Variants in BRWD1 observed in about 807,000 individuals in gnomAD.
BRWD1 encodes bromodomain and WD repeat domain containing 1, also known as bromodomain and WD repeat-containing protein 1.
In BRWD1, 82 loss-of-function variants were observed where a neutral mutation model predicts 251.2. The observed-to-expected ratio is 0.33, with a 90% CI of 0.27 to 0.39. BRWD1 has a LOEUF of 0.39. Among genes scored for constraint, BRWD1 ranks in the 10% least tolerant of loss-of-function variants. BRWD1 has a pLI of 1.00. For missense variants in BRWD1, 2,233 were observed against 2,711.6 expected, an observed-to-expected ratio of 0.82 and a Z score of 3.92; for synonymous variants, 918 against 902.8, an observed-to-expected ratio of 1.02 and a Z score of -0.30.
At position 39,196,436 on chromosome 21, in the gene BRWD1, A is replaced by G. The variant is rs1395169357; in HGVS notation, c.6633T>C (p.Pro2211=). 4.3e-6 allele frequency: 7 copies of G among 1,613,578 alleles called. No individual in the cohort carries two copies. In the South Asian group the frequency reaches 6.6e-5, roughly 15 times the overall value. ...TVRRQRQSKR[P]RLSVDDNDWE... is the part of the protein sequence containing the mutation. ...AGTCATTATCATCCACACTTAACCT[A>G]GGGCGTTTGCTTTGTCTTTGACGTC... The change falls in exon 41 of 41, where the codon CCT becomes CCC. Residue 2211 remains proline (P), a synonymous_variant. Transcript: ENST00000342449.
At chr21:39,269,683 C>T (rs1332280070) in intron 15 of BRWD1, among the ~76,000 whole-genome samples, 1 of 152,144 alleles carries the variant, frequency 6.6e-6, no homozygotes, top group Non-Finnish European at 1.5e-5. Flanking sequence ...CAACAGGTAA[C>T]TTAAAAATGT....
At position 39,190,815 on chromosome 21, in the gene BRWD1, A is replaced by G; in HGVS notation, c.*5444T>C. On this transcript the variant is annotated 3_prime_UTR_variant, in exon 41 of 41. Transcript: ENST00000342449. ...ACTGCAGTATGGCAGCATCAGGTCA[A>G]AAGACCATCAGAAATAATTCCATGA... 1.0e-6 allele frequency: 1 copy of G among 985,368 alleles called. No individual in the cohort carries two copies. Among genetic ancestry groups the G allele is most frequent in the Non-Finnish European group, 1.2e-6 (1 of 829,894 alleles). The allele number at this position is 985,368 out of a possible 1,614,324, so 61.0% of individuals were successfully genotyped here. A position where few individuals can be genotyped will look rare whatever the true frequency, so the allele number is the denominator to read the frequency against.
rs866294939 is a variant in BRWD1, at chr21:39,191,284, C to T, written c.*4975G>A. The stretch of plus-strand genomic sequence containing the variant: ...GCTCATATGTAAAACTCACAGCGCT[C>T]GCACCCCTATATTCTGCCTGCATGA... On this transcript the variant is annotated 3_prime_UTR_variant, in exon 41 of 41. Coordinates refer to ENST00000342449, the MANE Select transcript of BRWD1 (RefSeq NM_033656.4). The T allele has an allele frequency of 2.1e-5, 21 of 985,110 alleles. No homozygotes were observed. The highest frequency in any genetic ancestry group is 2.2e-5 in the Non-Finnish European group (18 of 829,896). 61.0% of individuals were successfully genotyped at this position (985,110 alleles called of 1,614,324 possible).
chr21:39,298,208 A>G (rs1344564241), intron 5 of BRWD1: 2 of 1,182,418 alleles, frequency 1.7e-6, no homozygotes, highest in Non-Finnish European at 2.1e-6. Flanking sequence ...CAAGCTTTTT[A>G]GCTTAACATC....
chr21:39,261,124 C>G (rs944488820), intron 17 of BRWD1, among the ~76,000 whole-genome samples: 1 of 152,072 alleles, frequency 6.6e-6, no homozygotes, highest in African/African-American at 2.4e-5. Context: ...ACGTGGGAAG[C>G]TGAGGCAGGG....
chr21:39,281,927 C>T (rs1039482350), intron 8 of BRWD1, among the ~76,000 whole-genome samples: 2 of 150,460 alleles, frequency 1.3e-5, no homozygotes, highest in African/African-American at 2.4e-5. Context: ...TATACGTATA[C>T]ATACATATAC....
At chr21:39,246,689 A>G (rs1185543897) in intron 21 of BRWD1, among the ~76,000 whole-genome samples, 2 of 152,264 alleles carry the variant, frequency 1.3e-5, no homozygotes, top group African/African-American at 4.8e-5. Flanking sequence ...AAGTAAAAAA[A>G]GAATGAAGTA....
intron 19 of BRWD1, among the ~76,000 whole-genome samples, chr21:39,251,707 C>T (rs1242565861): frequency 3.3e-5 from 5 of 152,152 alleles, no homozygotes; most frequent in Admixed American, 3.3e-4. Context: ...GCAGACTCAA[C>T]CTTTCACAGG....
chr21:39,314,128 G>C (rs778167356), upstream of BRWD1: 2 of 455,844 alleles, frequency 4.4e-6, no homozygotes, highest in Non-Finnish European at 8.8e-6. Flanking sequence ...TGCCCCGCAC[G>C]GAAGACCCCT....
intron 29 of BRWD1, chr21:39,219,388 C>G (rs1293636535): frequency 6.6e-6 from 1 of 152,142 alleles, no homozygotes; most frequent in African/African-American, 2.4e-5. Context: ...CCATTGCACT[C>G]CAGCCTGGGC....
intron 19 of BRWD1, among the ~76,000 whole-genome samples, chr21:39,252,785 C>T (rs563506791): frequency 2.0e-5 from 3 of 147,282 alleles, no homozygotes; most frequent in African/African-American, 7.6e-5. Flanking sequence ...TCCTCCTTAG[C>T]TTATTATGGT....
At chr21:39,302,947 C>T (rs1213976883) in intron 4 of BRWD1, among the ~76,000 whole-genome samples, 2 of 151,844 alleles carry the variant, frequency 1.3e-5, no homozygotes, top group Non-Finnish European at 2.9e-5. Context: ...GCAATTCCAG[C>T]TACTTGGGAG....
chr21:39,211,875 T>G (rs565338215), intron 34 of BRWD1, among the ~76,000 whole-genome samples: 1 of 152,308 alleles, frequency 6.6e-6, no homozygotes, highest in Middle Eastern at 3.4e-3. Flanking sequence ...AAATTTAAAA[T>G]GATCTGGGCT....
At chr21:39,297,970 C>G (rs2036002927) in intron 5 of BRWD1, 1 of 985,374 alleles carries the variant, frequency 1.0e-6, no homozygotes, top group Admixed American at 6.1e-5. Flanking sequence ...AAGAACCATG[C>G]AGTTTTACAT....
Position 39,195,738 on chromosome 21 carries a change from GGAA to G in BRWD1, c.*518_*520del, listed in dbSNP as rs1299634487. 1 of 947,750 alleles carries G rather than the reference GGAA, an allele frequency of 1.1e-6. No homozygotes were observed. The highest frequency in any genetic ancestry group is 1.2e-6 in the Non-Finnish European group (1 of 815,816). 58.7% of individuals were successfully genotyped at this position (947,750 alleles called of 1,614,324 possible). The stretch of plus-strand genomic sequence containing the variant: ...AATGCATTCTACTCAAGTAGCCAGG[GGAA>G]GAAAAAAAAAAAAGTGGTAGGTACC... On this transcript the variant is annotated 3_prime_UTR_variant, in exon 41 of 41. Transcript: ENST00000342449.
Position 39,199,591 on chromosome 21 carries a change from T to C in BRWD1, c.4825A>G (p.Asn1609Asp). Residue 1609 changes from asparagine (N) to aspartate (D), a missense_variant, in exon 40 of 41, where the codon AAC (asparagine) becomes GAC (aspartate). By Grantham distance (23) the Asn-to-Asp change is conservative. Around this residue, in one of 12 missense-constraint regions of BRWD1, gnomAD observed 928 missense variants for 970.0 expected, o/e 0.96. Transcript: ENST00000342449. Reference sequence around the variant, plus strand: ...ATTTCACCAGTCTCCAATGAATTGTTATCAGAATCACTTAAATAGACTCTC... The same window carrying C: ...ATTTCACCAGTCTCCAATGAATTGTCATCAGAATCACTTAAATAGACTCTC... ...RKRVYLSDSD[N>D]NSLETGEILK... 6.2e-7 allele frequency: 1 copy of C among 1,614,164 alleles called. No individual in the cohort carries two copies. Among genetic ancestry groups the C allele is most frequent in the Non-Finnish European group, 8.5e-7 (1 of 1,180,010 alleles).
At chr21:39,216,337 A>C (rs1382936988) in intron 31 of BRWD1, among the ~76,000 whole-genome samples, 1 of 152,100 alleles carries the variant, frequency 6.6e-6, no homozygotes, top group Non-Finnish European at 1.5e-5. Context: ...AATGTAGTTA[A>C]ATAGAAATTT....
In BRWD1 at chr21:39,211,274, T is replaced by C. The variant is rs148008805; in HGVS notation, c.3901-345A>G. On this transcript the variant is annotated intron_variant, in intron 34 of 40. Transcript: ENST00000342449. ...TCTGATAATATGATAGGCAGAATAA[T>C]GGCCCCACCAAAGATGTCCACATCA... Among the ~76,000 whole-genome samples the C allele has an allele frequency of 4.7e-3, 710 of 152,306 alleles. 11 individuals are homozygous for C. Among genetic ancestry groups the C allele is most frequent in the African/African-American group, 0.017 (691 of 41,574 alleles).
chr21:39,262,936 C>A (rs1257371147), intron 17 of BRWD1, among the ~76,000 whole-genome samples: 3 of 151,204 alleles, frequency 2.0e-5, no homozygotes, highest in Non-Finnish European at 4.4e-5. Flanking sequence ...GGCAACATGG[C>A]AAAACCCCAT....
Sources: gnomAD v4.1 joint callset for allele counts (sites outside exome capture counted in the v4.1 genomes callset) on GRCh38, gnomAD v4.1.1 for gene constraint, gnomAD v4.1.1 regional missense constraint, MANE v1.5 for transcripts, NCBI Gene and HGNC (gene_info 2026-07-23, HGNC 2026-07-21) for gene names.